The following CANT1 variants were observed in gnomAD, a reference collection of about 807,000 sequenced individuals.
The protein encoded by CANT1 is calcium activated nucleotidase 1.
In CANT1, 26 loss-of-function variants were observed where a neutral mutation model predicts 30.0. The observed-to-expected ratio is 0.87, with a 90% CI of 0.64 to 1.20. The LOEUF (loss-of-function observed/expected upper bound fraction) is 1.20, where lower values mean the gene tolerates loss of function less well. Among genes scored for constraint, CANT1 ranks in the 50% most tolerant of loss-of-function variants. The pLI, the probability that CANT1 is intolerant of heterozygous loss-of-function variation, is 0.00. For synonymous variants in CANT1, 246 were observed against 251.8 expected, an observed-to-expected ratio of 0.98 and a Z score of 0.22; for missense variants, 518 against 563.0, an observed-to-expected ratio of 0.92 and a Z score of 0.81.
rs587776951 is a variant in CANT1, at chr17:79,009,663, C to T, written c.-147+1G>A. On this transcript the variant is annotated splice_donor_variant, in intron 1 of 4. Transcript: ENST00000392446. LOFTEE classifies it low-confidence loss of function (5UTR_SPLICE). ...CGGCGGCCGCGGGCGCAGTCACTCA[C>T]CCGCTGCGGGGCTGGCTCCGGTGCC... is the stretch of plus-strand genomic sequence containing the variant. The T allele has an allele frequency of 1.3e-5, 2 of 152,220 alleles. No individual in the cohort carries two copies. Among genetic ancestry groups the T allele is most frequent in the South Asian group, 1.9e-4 (1 of 5,362 alleles). The allele number at this position is 152,220 out of a possible 1,614,324, so 9.4% of individuals were successfully genotyped here.
intron 1 of CANT1, among the ~76,000 whole-genome samples, chr17:79,001,470 C>T (rs2071259146): frequency 2.6e-5 from 4 of 152,188 alleles, no homozygotes; most frequent in Admixed American, 2.6e-4. Flanking sequence ...AGACCCCACA[C>T]TCCCACAGAC....
Position 78,993,401 on chromosome 17 carries a change from G to C in CANT1, c.*149C>G, listed in dbSNP as rs942047391. On this transcript the variant is annotated 3_prime_UTR_variant, in exon 5 of 5. Transcript: ENST00000392446. The surrounding 1 kb of genome is among the most constrained non-coding windows in gnomAD (Gnocchi z 4.5). ...CGTGGGGCCCGGGGGTCCAGTGCCC[G>C]CACCACTATGGGGCCCGGGACTGGG... The C allele has an allele frequency of 8.4e-7, 1 of 1,189,692 alleles. No individual in the cohort carries two copies. The highest frequency in any genetic ancestry group is 1.5e-5 in the African/African-American group (1 of 65,772). 73.7% of individuals were successfully genotyped at this position (1,189,692 alleles called of 1,614,324 possible).
Position 78,997,034 on chromosome 17 carries a change from G to A in CANT1, c.589C>T (p.Pro197Ser). Residue 197 changes from proline (P) to serine (S), a missense_variant, in exon 3 of 5, where the codon CCC becomes TCC. Pro to Ser is a moderately conservative substitution (Grantham distance 74). Coordinates refer to ENST00000392446, the MANE Select transcript of CANT1 (RefSeq NM_001159773.2). This position sits in a 1 kb window ranked among gnomAD's most constrained non-coding sequence, Gnocchi z 7.5. The part of the protein sequence containing the change: ...VYQIEGSKAV[P>S]WVILSDGDGT... ...TCGCCGTCGGACAGAATCACCCAGG[G>A]CACGGCTTTGCTGCCTTCGATCTGG... The A allele has an allele frequency of 1.9e-6, 3 of 1,614,218 alleles. No homozygotes were observed. Among genetic ancestry groups the A allele is most frequent in the Non-Finnish European group, 2.5e-6 (3 of 1,180,048 alleles).
At position 78,997,067 on chromosome 17, in the gene CANT1, C is replaced by T. The variant is rs199516699; in HGVS notation, c.556G>A (p.Val186Ile). 137 of 1,614,212 alleles carry T rather than the reference C, an allele frequency of 8.5e-5. No homozygotes were observed. The East Asian group carries it at 2.9e-3, about 35-fold the overall frequency. Residue 186 changes from valine to isoleucine, a missense_variant, in exon 3 of 5, where the codon GTC (valine) becomes ATC (isoleucine). Coordinates refer to ENST00000392446, the MANE Select transcript of CANT1 (RefSeq NM_001159773.2). The surrounding 1 kb of genome is among the most constrained non-coding windows in gnomAD (Gnocchi z 7.5). ...KLYSVDDRTGVVYQIEGSKAV... is the reference protein window; with the variant it reads ...KLYSVDDRTGIVYQIEGSKAV... ...TTGCTGCCTTCGATCTGGTAGACGA[C>T]CCCCGTCCGGTCATCCACGGAGTAG...
chr17:78,996,964 C>A lies in CANT1; in HGVS notation c.631+28G>T. 1 of 1,612,784 alleles carries A rather than the reference C, an allele frequency of 6.2e-7. No homozygotes were observed. The highest frequency in any genetic ancestry group is 8.5e-7 in the Non-Finnish European group (1 of 1,180,028). On this transcript the variant is annotated intron_variant, in intron 3 of 4. Transcript: ENST00000392446. The surrounding 1 kb of genome is among the most constrained non-coding windows in gnomAD (Gnocchi z 5.1). ...CCTGAGCTCCCACTCCCCACCCACACCTCCATAAAACCTCAGGGTCCAGTT... is the reference window on the plus strand; with the variant it reads ...CCTGAGCTCCCACTCCCCACCCACAACTCCATAAAACCTCAGGGTCCAGTT...
At chr17:79,006,342 C>T (rs1297318206) in intron 1 of CANT1, 1 of 152,254 alleles carries the variant, frequency 6.6e-6, no homozygotes, top group Non-Finnish European at 1.5e-5. Flanking sequence ...TCTTAAGGAC[C>T]CTGTGATTAC....
intron 1 of CANT1, among the ~76,000 whole-genome samples, chr17:78,999,076 G>A (rs181819189): frequency 3.6e-4 from 55 of 152,258 alleles, no homozygotes; most frequent in Non-Finnish European, 6.6e-4. Flanking sequence ...GGGCTGAGAA[G>A]ATACAAAAAC....
chr17:78,997,370 T>G lies in CANT1; in HGVS notation c.253A>C (p.Asn85His). 6.7e-7 allele frequency: 1 copy of G among 1,494,292 alleles called. No individual in the cohort carries two copies. The highest frequency in any genetic ancestry group is 1.5e-5 in the African/African-American group (1 of 68,916). 92.6% of individuals were successfully genotyped at this position (1,494,292 alleles called of 1,614,324 possible). A position where few individuals can be genotyped will look rare whatever the true frequency, so the allele number is the denominator to read the frequency against. Residue 85 changes from asparagine to histidine, a missense_variant, in exon 3 of 5, where the codon AAC becomes CAC. By Grantham distance (68) the Asn-to-His change is moderately conservative. Coordinates refer to ENST00000392446, the MANE Select transcript of CANT1 (RefSeq NM_001159773.2). The surrounding 1 kb of genome is among the most constrained non-coding windows in gnomAD (Gnocchi z 7.5). ...AGGGGGTAGGTGTCATTGTACCAGT[T>G]GGCGGGCGCCTGGCCGAGCCTCCAG... Reference protein sequence around the residue: ...HNWRLGQAPANWYNDTYPLSP... With the variant: ...HNWRLGQAPAHWYNDTYPLSP...
chr17:78,999,545 C>T (rs182597943), intron 1 of CANT1, among the ~76,000 whole-genome samples: 105 of 152,238 alleles, frequency 6.9e-4, no homozygotes, highest in African/African-American at 2.3e-3. Context: ...ACAGTGATCA[C>T]GCTCACTGCA....
intron 1 of CANT1, among the ~76,000 whole-genome samples, chr17:78,999,620 C>T (rs1487489088): frequency 2.0e-5 from 3 of 146,876 alleles, no homozygotes; most frequent in Non-Finnish European, 4.5e-5. Flanking sequence ...GGACTACAGG[C>T]GTGTGCCACC....
chr17:79,003,355 G>A (rs894507981), intron 1 of CANT1, among the ~76,000 whole-genome samples: 3 of 151,388 alleles, frequency 2.0e-5, no homozygotes, highest in African/African-American at 7.3e-5. Context: ...CCATGCTGGT[G>A]TATGAGCTAC....
At chr17:79,001,254 C>G (rs1388987379) in intron 1 of CANT1, among the ~76,000 whole-genome samples, 2 of 152,168 alleles carry the variant, frequency 1.3e-5, no homozygotes, top group Non-Finnish European at 2.9e-5. Flanking sequence ...AGCCACTGTC[C>G]TCACCTTCAC....
chr17:78,995,457 G>A lies in CANT1; in HGVS notation c.632-236C>T, dbSNP rs539613269. Among the ~76,000 whole-genome samples, 6 of 152,156 alleles carry A rather than the reference G, an allele frequency of 3.9e-5. No homozygotes were observed. Among genetic ancestry groups the A allele is most frequent in the Non-Finnish European group, 5.9e-5 (4 of 67,996 alleles). ...AGTCTCCTCTGATCCCCAACTCCCC[G>A]CTCCTCAAGCTGTAACCCCAACCTT... On this transcript the variant is annotated intron_variant, in intron 3 of 4. Coordinates refer to ENST00000392446, the MANE Select transcript of CANT1 (RefSeq NM_001159773.2). This position sits in a 1 kb window ranked among gnomAD's most constrained non-coding sequence, Gnocchi z 5.7.
rs755628482 is a variant in CANT1 at position 79,002,721 on chromosome 17, C to G, written c.-146-4758G>C. ...CAAGACCATCTCAAATCACCCTCCA[C>G]AAAACTGACAGAATAATTTTTCCAA... On this transcript the variant is annotated intron_variant, in intron 1 of 4. Coordinates refer to ENST00000392446, the MANE Select transcript of CANT1 (RefSeq NM_001159773.2). The surrounding 1 kb of genome is among the most constrained non-coding windows in gnomAD (Gnocchi z 4.0). Among the ~76,000 whole-genome samples, 13 of 152,244 alleles carry G rather than the reference C, an allele frequency of 8.5e-5. No individual in the cohort carries two copies. The highest frequency in any genetic ancestry group is 1.6e-4 in the Non-Finnish European group (11 of 68,044).
At chr17:78,999,160 A>G (rs1298813929) in intron 1 of CANT1, among the ~76,000 whole-genome samples, 2 of 152,218 alleles carry the variant, frequency 1.3e-5, no homozygotes, top group Non-Finnish European at 2.9e-5. Context: ...AGGAGTGAAC[A>G]AGGCACATAC....
At chr17:78,999,968 A>AT (rs141333031) in intron 1 of CANT1, 4,569 of 150,886 alleles carry the variant, frequency 0.03, 93 homozygotes, top group African/African-American at 0.042. Context: ...CTAATTTTTA[A>AT]TTTTTTTTAT....
chr17:78,997,816 G>A lies in CANT1; in HGVS notation c.-23+24C>T, dbSNP rs1356952095. On this transcript the variant is annotated intron_variant, in intron 2 of 4. Coordinates refer to ENST00000392446, the MANE Select transcript of CANT1 (RefSeq NM_001159773.2). This position sits in a 1 kb window ranked among gnomAD's most constrained non-coding sequence, Gnocchi z 7.5. ...AATGAATTCCCGACTCTAGATTCCC[G>A]ACTCTAGCAGTATCTTTGCTTACTT... The A allele has an allele frequency of 1.8e-5, 9 of 507,240 alleles. No homozygotes were observed. Among genetic ancestry groups the A allele is most frequent in the Non-Finnish European group, 3.0e-5 (9 of 296,818 alleles). The allele number at this position is 507,240 out of a possible 1,614,324, so 31.4% of individuals were successfully genotyped here.
chr17:78,992,977 C>A lies in CANT1; in HGVS notation c.*573G>T. On this transcript the variant is annotated 3_prime_UTR_variant, in exon 5 of 5. Coordinates refer to ENST00000392446, the MANE Select transcript of CANT1 (RefSeq NM_001159773.2). ...GAGGCCTGAGAACCAACAGATGTGC[C>A]TGCGCCCTGGCCTGTGCAGCTGTGG... 2.8e-6 allele frequency: 1 copy of A among 358,388 alleles called. No individual in the cohort carries two copies. Among genetic ancestry groups the A allele is most frequent in the Non-Finnish European group, 5.3e-6 (1 of 188,384 alleles). The allele number at this position is 358,388 out of a possible 1,614,324, so 22.2% of individuals were successfully genotyped here.
In CANT1 at chr17:78,993,367, C is replaced by G. The variant is rs1001093756; in HGVS notation, c.*183G>C. The G allele has an allele frequency of 5.1e-6, 4 of 790,666 alleles. No individual in the cohort carries two copies. Among genetic ancestry groups the G allele is most frequent in the Non-Finnish European group, 8.1e-6 (4 of 492,892 alleles). The allele number at this position is 790,666 out of a possible 1,614,324, so 49.0% of individuals were successfully genotyped here. A position where few individuals can be genotyped will look rare whatever the true frequency, so the allele number is the denominator to read the frequency against. Reference sequence around the variant, plus strand: ...TGGCAGCATGGAAAGCAGTTCAGACCGCGGCCTCCGTGGGGCCCGGGGGTC... The same window carrying G: ...TGGCAGCATGGAAAGCAGTTCAGACGGCGGCCTCCGTGGGGCCCGGGGGTC... On this transcript the variant is annotated 3_prime_UTR_variant, in exon 5 of 5. Coordinates refer to ENST00000392446, the MANE Select transcript of CANT1 (RefSeq NM_001159773.2). The surrounding 1 kb of genome is among the most constrained non-coding windows in gnomAD (Gnocchi z 4.5).
Sources: allele counts gnomAD v4.1 joint callset (sites outside exome capture counted in the v4.1 genomes callset), GRCh38; gene constraint gnomAD v4.1.1; non-coding constraint Gnocchi (gnomAD v3.1); transcripts MANE v1.5; gene names NCBI Gene and HGNC (gene_info 2026-07-23, HGNC 2026-07-21).